Variants in HIVEP3 observed in about 807,000 individuals in gnomAD.
HIVEP3 encodes HIVEP zinc finger 3.
In HIVEP3, 49 loss-of-function variants were observed where a neutral mutation model predicts 152.8. That is an observed-to-expected ratio of 0.32 (90% confidence interval 0.26 to 0.41). The LOEUF (loss-of-function observed/expected upper bound fraction) is 0.41, where lower values mean the gene tolerates loss of function less well. Among genes scored for constraint, HIVEP3 ranks in the 10% least tolerant of loss-of-function variants. HIVEP3 has a pLI of 1.00. For synonymous variants in HIVEP3, 1,269 were observed against 1,289.0 expected (o/e 0.98, Z 0.33); for missense variants, 2,790 against 3,103.3 (o/e 0.90, Z 2.40).
intron 1 of HIVEP3, among the ~76,000 whole-genome samples, chr1:41,794,935 T>G (rs1040474755): frequency 2.6e-5 from 4 of 152,188 alleles, no homozygotes; most frequent in Non-Finnish European, 5.9e-5. Context: ...AGAAATTTAT[T>G]TATTTATTTA....
intron 3 of HIVEP3, among the ~76,000 whole-genome samples, chr1:41,593,622 G>A (rs905826762): frequency 2.6e-5 from 4 of 152,196 alleles, no homozygotes; most frequent in Non-Finnish European, 5.9e-5. Context: ...TTACACTTCC[G>A]CCAATGGCGG....
chr1:41,585,282 A>C lies in HIVEP3; in HGVS notation c.-485T>G. 2.5e-6 allele frequency: 1 copy of C among 399,062 alleles called. No homozygotes were observed. Among genetic ancestry groups the C allele is most frequent in the Non-Finnish European group, 4.4e-6 (1 of 226,184 alleles). The allele number at this position is 399,062 out of a possible 1,614,324, so 24.7% of individuals were successfully genotyped here. ...CTTCTCCCCTTTAGTTCTGGGTTGG[A>C]GATCAACGGCCTTGGAGGAGAAATC... On this transcript the variant is annotated 5_prime_UTR_variant, in exon 4 of 9. Transcript: ENST00000372583.
At chr1:41,716,010 G>A (rs1251972545) in intron 1 of HIVEP3, among the ~76,000 whole-genome samples, 5 of 152,236 alleles carry the variant, frequency 3.3e-5, no homozygotes, top group African/African-American at 1.2e-4. Flanking sequence ...GAAATCTGAA[G>A]GAAGAGTTTG....
chr1:41,905,431 G>T (rs1162691297), intron 1 of HIVEP3, among the ~76,000 whole-genome samples: 1 of 152,188 alleles, frequency 6.6e-6, no homozygotes, highest in Non-Finnish European at 1.5e-5. Context: ...ATTATGAGCT[G>T]TTAAAAGGGG....
rs146375231 is a variant in HIVEP3 at position 41,813,911 on chromosome 1, G to C, written c.-801+104502C>G. ...TTCTTCCCCAACCATTCAGCACTGC[G>C]GCCTGGGCTTCCTCACCTACAGATG... On this transcript the variant is annotated intron_variant, in intron 1 of 8. Coordinates refer to ENST00000372583, the MANE Select transcript of HIVEP3 (RefSeq NM_024503.5). Among the ~76,000 whole-genome samples the C allele has an allele frequency of 1.9e-3, 291 of 152,240 alleles. 3 individuals carry two copies. The highest frequency in any genetic ancestry group is 6.8e-3 in the African/African-American group (284 of 41,526).
chr1:41,545,682 AC>A (rs1480344398), intron 5 of HIVEP3, among the ~76,000 whole-genome samples: 1 of 20,678 alleles, frequency 4.8e-5, no homozygotes, highest in Non-Finnish European at 9.6e-5. Flanking sequence ...CACCACCACC[AC>A]CATCACCACC....
chr1:41,785,656 C>T (rs755744749), intron 1 of HIVEP3, among the ~76,000 whole-genome samples: 4 of 152,126 alleles, frequency 2.6e-5, no homozygotes, highest in Non-Finnish European at 5.9e-5. Context: ...AAGCTGTATA[C>T]AAATTTTGAT....
chr1:41,575,493 C>T lies in HIVEP3; in HGVS notation c.5207+51G>A, dbSNP rs1194047802. 3 of 1,592,274 alleles carry T rather than the reference C, an allele frequency of 1.9e-6. No homozygotes were observed. In the East Asian group the frequency reaches 6.7e-5, roughly 36 times the overall value. On this transcript the variant is annotated intron_variant, in intron 5 of 8. Transcript: ENST00000372583. ...TGCTGCCCGTGAACACCAATGGGCA[C>T]CAGCTCTTATTCCACGGAAGCAGAC... is the stretch of plus-strand genomic sequence containing the variant.
chr1:41,629,894 C>T (rs529997292), intron 2 of HIVEP3, among the ~76,000 whole-genome samples: 6 of 152,280 alleles, frequency 3.9e-5, no homozygotes, highest in Middle Eastern at 3.4e-3. Flanking sequence ...TCAAACAGAA[C>T]GACCATTCGA....
At chr1:41,632,383 G>A (rs1027353363) in intron 2 of HIVEP3, among the ~76,000 whole-genome samples, 3 of 152,158 alleles carry the variant, frequency 2.0e-5, no homozygotes, top group African/African-American at 7.2e-5. Context: ...AATTTTGATG[G>A]TGTCTGAATG....
chr1:41,820,320 T>C lies in HIVEP3; in HGVS notation c.-801+98093A>G, dbSNP rs367908388. Among the ~76,000 whole-genome samples, 5 of 152,222 alleles carry C rather than the reference T, an allele frequency of 3.3e-5. No individual in the cohort carries two copies. In the East Asian group the frequency reaches 9.6e-4, roughly 29 times the overall value. On this transcript the variant is annotated intron_variant, in intron 1 of 8. Transcript: ENST00000372583. ...GCTTCATGAACCCCTCTTATCTCTA[T>C]GCAGTGATCTGTTTTATCCCCAGAA...
chr1:41,920,408 C>T (rs1406449478), upstream of HIVEP3, among the ~76,000 whole-genome samples: 1 of 152,078 alleles, frequency 6.6e-6, no homozygotes, highest in African/African-American at 2.4e-5. Flanking sequence ...ATAGGGGCTG[C>T]GAGGGGATGG....
rs979239472 is a variant in HIVEP3, at chr1:41,662,928, C to T, written c.-720-33981G>A. Among the ~76,000 whole-genome samples, 1 of 145,580 alleles carries T rather than the reference C, an allele frequency of 6.9e-6. No homozygotes were observed. Among genetic ancestry groups the T allele is most frequent in the African/African-American group, 2.5e-5 (1 of 40,404 alleles). ...TCCGGGAAGCCCGCGCCTCCCCAGG[C>T]GGGAATCCGCTTTAATGAGCTCTGG... On this transcript the variant is annotated intron_variant, in intron 2 of 8. Coordinates refer to ENST00000372583, the MANE Select transcript of HIVEP3 (RefSeq NM_024503.5). This position sits in a 1 kb window ranked among gnomAD's most constrained non-coding sequence, Gnocchi z 7.2.
exon 1 of HIVEP3, chr1:42,035,885 C>T (rs1406626875): frequency 6.7e-6 from 1 of 149,758 alleles, no homozygotes; most frequent in Admixed American, 6.7e-5. Context: ...CTGGCAGCCA[C>T]CCGGGCCACG....
chr1:41,887,437 C>T (rs781286134), intron 1 of HIVEP3, among the ~76,000 whole-genome samples: 1 of 152,198 alleles, frequency 6.6e-6, no homozygotes, highest in Non-Finnish European at 1.5e-5. Flanking sequence ...AAAATCTCAA[C>T]CCATCCCTGG....
At chr1:41,520,804 C>T (rs1229933265) in intron 6 of HIVEP3, among the ~76,000 whole-genome samples, 1 of 152,226 alleles carries the variant, frequency 6.6e-6, no homozygotes, top group Non-Finnish European at 1.5e-5. Flanking sequence ...CCATGTAATT[C>T]AACCCCCGCC....
At position 41,752,999 on chromosome 1, in the gene HIVEP3, G is replaced by A. The variant is rs576338069; in HGVS notation, c.-800-52004C>T. On this transcript the variant is annotated intron_variant, in intron 1 of 8. Coordinates refer to ENST00000372583, the MANE Select transcript of HIVEP3 (RefSeq NM_024503.5). ...GCACTGCCTTTGGGTTTTATTGAGC[G>A]TGTTTACAACCACAGAAAGACTGTC... Among the ~76,000 whole-genome samples, 24 of 152,338 alleles carry A rather than the reference G, an allele frequency of 1.6e-4. 1 individual carries two copies. The South Asian group carries it at 4.8e-3, about 30-fold the overall frequency.
intron 1 of HIVEP3, among the ~76,000 whole-genome samples, chr1:42,011,380 A>G (rs1570890461): frequency 6.6e-6 from 1 of 152,102 alleles, no homozygotes; most frequent in East Asian, 1.9e-4. Context: ...AGTCAAATAT[A>G]TTTTCTCTTT....
chr1:41,756,177 G>A (rs1043828455), intron 1 of HIVEP3, among the ~76,000 whole-genome samples: 2 of 152,110 alleles, frequency 1.3e-5, no homozygotes, highest in Admixed American at 6.5e-5. Flanking sequence ...AAATATTAAG[G>A]GCAATATGCT....
Sources: gnomAD v4.1 joint callset for allele counts (sites outside exome capture counted in the v4.1 genomes callset) on GRCh38, gnomAD v4.1.1 for gene constraint, Gnocchi (gnomAD v3.1) non-coding constraint, MANE v1.5 for transcripts, NCBI Gene and HGNC (gene_info 2026-07-23, HGNC 2026-07-21) for gene names.